Variants in LIFR observed in about 807,000 individuals in gnomAD.
LIFR encodes the protein LIF receptor subunit alpha.
LIFR carries 84 observed loss-of-function variants against 122.2 expected under a neutral mutation model. The ratio of observed to expected loss-of-function variants is 0.69; its 90% CI spans 0.58 to 0.82. The LOEUF is 0.82. Ranked by LOEUF, LIFR falls within the 40% of genes least tolerant of loss-of-function variation. The pLI is 0.00. For synonymous variants in LIFR, 422 were observed against 434.7 expected, an observed-to-expected ratio of 0.97 and a Z score of 0.36; for missense variants, 1,294 against 1,311.6, an observed-to-expected ratio of 0.99 and a Z score of 0.21.
chr5:38,506,264 C>T (rs1268514743), intron 8 of LIFR, among the ~76,000 whole-genome samples, 190 bp from the exon 9 acceptor site: 3 of 151,952 alleles, frequency 2.0e-5, no homozygotes, highest in Admixed American at 2.0e-4. Context: ...AGTTTACTAC[C>T]GAGAAACAGT....
At chr5:38,535,084 A>G (rs947716175) in intron 1 of LIFR, among the ~76,000 whole-genome samples, 1 of 152,222 alleles carries the variant, frequency 6.6e-6, no homozygotes, top group Admixed American at 6.5e-5. Context: ...AATGAGGTAC[A>G]AAACAAAAAA....
chr5:38,578,207 C>CTTTTTTT (rs3079294), intron 1 of LIFR, among the ~76,000 whole-genome samples: 8 of 123,456 alleles, frequency 6.5e-5, no homozygotes, highest in African/African-American at 6.0e-5. Context: ...TTTTCTTTTT[C>CTTTTTTT]TTTTTTTTTT....
chr5:38,478,928 T>G lies in LIFR; in HGVS notation c.*2667A>C, dbSNP rs370434788. On this transcript the variant is annotated 3_prime_UTR_variant, in exon 20 of 20. Coordinates refer to ENST00000453190, the MANE Select transcript of LIFR (RefSeq NM_001127671.2). The stretch of plus-strand genomic sequence containing the variant: ...CCTCTGCTTCTAACTAGTCCTTAAT[T>G]GTAGCTTCCAAGGGAGAAGCCACGA... The G allele has an allele frequency of 4.4e-6, 1 of 229,526 alleles. No individual in the cohort carries two copies. The highest frequency in any genetic ancestry group is 2.2e-5 in the African/African-American group (1 of 45,116). The allele number at this position is 229,526 out of a possible 1,614,324, so 14.2% of individuals were successfully genotyped here.
chr5:38,569,202 T>A (rs1580206699), intron 1 of LIFR, among the ~76,000 whole-genome samples: 1 of 152,236 alleles, frequency 6.6e-6, no homozygotes. Flanking sequence ...TTGCTCAGAT[T>A]ATAGCCCACC....
intron 11 of LIFR, among the ~76,000 whole-genome samples, chr5:38,500,905 G>A (rs759118374): frequency 7.9e-5 from 12 of 152,126 alleles, no homozygotes; most frequent in Non-Finnish European, 1.6e-4. Flanking sequence ...TTCAGTCACC[G>A]GCTCTGGGAG....
At chr5:38,597,191 C>A (rs1750120743), upstream of LIFR, among the ~76,000 whole-genome samples, 1 of 152,204 alleles carries the variant, frequency 6.6e-6, no homozygotes. Flanking sequence ...TCCCCAGGAA[C>A]AATGGAGCAA....
chr5:38,526,028 A>G (rs985004140), intron 4 of LIFR, among the ~76,000 whole-genome samples: 2 of 152,202 alleles, frequency 1.3e-5, no homozygotes, highest in African/African-American at 2.4e-5. Flanking sequence ...TTACAAGTAC[A>G]AGGATTTTAA....
In LIFR at chr5:38,545,637, C is replaced by T. The variant is rs530946755; in HGVS notation, c.-20+10697G>A. Among the ~76,000 whole-genome samples the T allele has an allele frequency of 1.3e-3, 204 of 151,884 alleles. 3 individuals are homozygous for T. Among genetic ancestry groups the T allele is most frequent in the African/African-American group, 4.1e-3 (171 of 41,480 alleles). On this transcript the variant is annotated intron_variant, in intron 1 of 19. Transcript: ENST00000453190. ...CAGCACTTTGGGAGGCCGAGGTGGG[C>T]GGATCACGAGGTCAGGAAATCAAGA...
intron 1 of LIFR, among the ~76,000 whole-genome samples, chr5:38,592,656 C>CAAAA (rs3079290): frequency 8.6e-6 from 1 of 115,854 alleles, no homozygotes; most frequent in Non-Finnish European, 2.0e-5. Flanking sequence ...GACTCCGTCT[C>CAAAA]AAAAAAAAAA....
chr5:38,595,100 A>G (rs991227917), intron 1 of LIFR: 19 of 175,908 alleles, frequency 1.1e-4, no homozygotes, highest in African/African-American at 4.5e-4. Context: ...ACCACACAAG[A>G]AATACACTTT....
At chr5:38,541,381 C>T (rs75996640) in intron 1 of LIFR, among the ~76,000 whole-genome samples, 9 of 152,166 alleles carry the variant, frequency 5.9e-5, no homozygotes, top group Non-Finnish European at 1.0e-4. Context: ...GACCCATGCA[C>T]GTCAGCCCAT....
chr5:38,545,723 A>G (rs756868212), intron 1 of LIFR, among the ~76,000 whole-genome samples: 50 of 151,470 alleles, frequency 3.3e-4, no homozygotes, highest in African/African-American at 7.3e-4. Flanking sequence ...TTCGCGGGGC[A>G]TGGTGGCGGG....
chr5:38,568,836 T>G (rs1021244058), intron 1 of LIFR, among the ~76,000 whole-genome samples: 1 of 152,308 alleles, frequency 6.6e-6, no homozygotes, highest in African/African-American at 2.4e-5. Flanking sequence ...GGGAGTGCTC[T>G]TGAGACAGTA....
chr5:38,580,164 A>G (rs1749534823), intron 1 of LIFR, among the ~76,000 whole-genome samples: 1 of 152,114 alleles, frequency 6.6e-6, no homozygotes, highest in South Asian at 2.1e-4. Flanking sequence ...CTCATTTTCT[A>G]CTTTTTCTCC....
upstream of LIFR, among the ~76,000 whole-genome samples, chr5:38,597,414 C>T (rs966460832): frequency 7.2e-5 from 11 of 152,182 alleles, no homozygotes; most frequent in African/African-American, 2.7e-4. Context: ...TTCCTAGCAT[C>T]CCTCTAGCCC....
chr5:38,476,768 C>T lies in LIFR; in HGVS notation c.*4827G>A, dbSNP rs944129245. 1.4e-5 allele frequency: 3 copies of T among 210,390 alleles called. No homozygotes were observed. The highest frequency in any genetic ancestry group is 2.9e-5 in the Non-Finnish European group (3 of 103,698). The allele number at this position is 210,390 out of a possible 1,614,324, so 13.0% of individuals were successfully genotyped here. A position where few individuals can be genotyped will look rare whatever the true frequency, so the allele number is the denominator to read the frequency against. The stretch of plus-strand genomic sequence containing the variant: ...TACTGTTTCTACGGTTCTTTAGGCA[C>T]TTACACATAAAAACATTCAGAGGGT... On this transcript the variant is annotated 3_prime_UTR_variant, in exon 20 of 20. Coordinates refer to ENST00000453190, the MANE Select transcript of LIFR (RefSeq NM_001127671.2).
upstream of LIFR, chr5:38,556,834 C>A (rs1226667181): frequency 6.6e-6 from 1 of 150,972 alleles, no homozygotes; most frequent in Non-Finnish European, 1.5e-5. Flanking sequence ...CGCGACGGGC[C>A]CCGGACGCCG....
chr5:38,533,626 C>A (rs1409726398), intron 1 of LIFR, among the ~76,000 whole-genome samples: 1 of 152,228 alleles, frequency 6.6e-6, no homozygotes. Flanking sequence ...ATACCAGAAA[C>A]TAGTCCCAAC....
At position 38,479,033 on chromosome 5, in the gene LIFR, A is replaced by G. The variant is rs1344339992; in HGVS notation, c.*2562T>C. The G allele has an allele frequency of 4.3e-6, 1 of 231,352 alleles. No individual in the cohort carries two copies. Among genetic ancestry groups the G allele is most frequent in the Non-Finnish European group, 8.5e-6 (1 of 116,986 alleles). The allele number at this position is 231,352 out of a possible 1,614,324, so 14.3% of individuals were successfully genotyped here. ...CAACCTTCATTGACAAACAGCGCAC[A>G]TTTACCAGTATCTCAGACAACTGAA... is the stretch of plus-strand genomic sequence containing the variant. On this transcript the variant is annotated 3_prime_UTR_variant, in exon 20 of 20. Coordinates refer to ENST00000453190, the MANE Select transcript of LIFR (RefSeq NM_001127671.2).
Sources: allele counts gnomAD v4.1 joint callset (sites outside exome capture counted in the v4.1 genomes callset), GRCh38; gene constraint gnomAD v4.1.1; transcripts MANE v1.5; gene names NCBI Gene and HGNC (gene_info 2026-07-23, HGNC 2026-07-21).